The following PCDHA8 variants were observed in gnomAD, a reference collection of about 807,000 sequenced individuals.
The protein encoded by PCDHA8 is protocadherin alpha-8.
PCDHA8 carries 53 observed loss-of-function variants against 61.8 expected under a neutral mutation model. That is an observed-to-expected ratio of 0.86 (90% CI 0.69 to 1.08). The LOEUF is 1.08. PCDHA8 is among the 50% of genes least tolerant of loss of function. The probability of loss-of-function intolerance (pLI) is 0.00; values close to 1 mark genes in which losing one functional copy is unlikely to be tolerated. For synonymous variants in PCDHA8, 618 were observed against 556.6 expected, an observed-to-expected ratio of 1.11 and a Z score of -1.55; for missense variants, 1,293 against 1,245.0, an observed-to-expected ratio of 1.04 and a Z score of -0.58.
intron 3 of PCDHA8, among the ~76,000 whole-genome samples, chr5:140,993,088 CTA>C (rs1420227988): frequency 6.6e-6 from 1 of 152,202 alleles, no homozygotes; most frequent in Non-Finnish European, 1.5e-5. Flanking sequence ...ATCAGCAGGG[CTA>C]TGTTTATTCA....
rs75040653 is a variant in PCDHA8 at position 140,982,339 on chromosome 5, T to G, written c.2454-136T>G. ...TGCAGGGTGACTGCTCAGCAGTAAT[T>G]GCTTCAGTTCAAGCATGAGCAGAAT... On this transcript the variant is annotated intron_variant, in intron 2 of 3. Transcript: ENST00000531613. The G allele has an allele frequency of 3.1e-3, 4,547 of 1,456,350 alleles. 58 individuals carry two copies. The East Asian group carries it at 0.042, about 14-fold the overall frequency. The allele number at this position is 1,456,350 out of a possible 1,614,324, so 90.2% of individuals were successfully genotyped here.
intron 1 of PCDHA8, chr5:140,864,163 C>T (rs2048345363): frequency 6.6e-6 from 1 of 152,054 alleles, no homozygotes; most frequent in South Asian, 2.1e-4. Context: ...TTAAATCTTA[C>T]CGGAAGGATC....
At chr5:140,935,291 C>T (rs1221872941) in intron 1 of PCDHA8, among the ~76,000 whole-genome samples, 4 of 152,100 alleles carry the variant, frequency 2.6e-5, no homozygotes, top group East Asian at 1.9e-4. Context: ...TTCAGCACTC[C>T]GAGGTTTTTA....
Position 140,856,604 on chromosome 5 carries a change from GA to G in PCDHA8, c.2394+12890del, listed in dbSNP as rs782310012. On this transcript the variant is annotated intron_variant, in intron 1 of 3. Transcript: ENST00000531613. ...TGTTCTTGATATTATAAACAAAAAA[GA>G]CAAAGACAAATTCCCAGTGCTTGTT... 3.6e-5 allele frequency: 57 copies of G among 1,597,724 alleles called. 2 individuals are homozygous for G. In the African/African-American group the frequency reaches 6.7e-4, roughly 19 times the overall value.
intron 1 of PCDHA8, chr5:140,854,159 C>CAA (rs59855104): frequency 0.094 from 31,914 of 338,462 alleles, 1,044 homozygotes; most frequent in African/African-American, 0.16. Flanking sequence ...GATTCTGTCT[C>CAA]AAAAAAAAAA....
chr5:140,870,242 T>A (rs1554163936), intron 1 of PCDHA8: 1 of 1,614,142 alleles, frequency 6.2e-7, no homozygotes, highest in East Asian at 2.2e-5. Flanking sequence ...GACTCAGGTG[T>A]CAACGGACAG....
intron 1 of PCDHA8, chr5:140,877,898 A>G: frequency 6.9e-7 from 1 of 1,445,150 alleles, no homozygotes. Context: ...CGTTTAGGTT[A>G]TAACTACATT....
intron 1 of PCDHA8, chr5:140,882,313 G>A (rs2059060330): frequency 1.2e-6 from 2 of 1,614,128 alleles, no homozygotes; most frequent in Non-Finnish European, 1.7e-6. Flanking sequence ...GGCAACTACT[G>A]CTCTGGCTTC....
chr5:140,863,615 T>A (rs1290782399), intron 1 of PCDHA8: 16 of 339,092 alleles, frequency 4.7e-5, no homozygotes, highest in Non-Finnish European at 8.7e-5. Context: ...ATGTCCCTCA[T>A]AGTGACATTG....
chr5:140,938,761 G>A (rs1414324125), intron 1 of PCDHA8, among the ~76,000 whole-genome samples: 5 of 151,992 alleles, frequency 3.3e-5, no homozygotes, highest in Non-Finnish European at 7.4e-5. Flanking sequence ...CATAGTTATT[G>A]GGTACTAGAC....
chr5:140,892,172 G>A (rs2063414943), intron 1 of PCDHA8, among the ~76,000 whole-genome samples: 1 of 152,100 alleles, frequency 6.6e-6, no homozygotes, highest in African/African-American at 2.4e-5. Flanking sequence ...CAGTAACTGG[G>A]ATCCTCATGG....
At chr5:140,869,558 T>A in intron 1 of PCDHA8, 1 of 1,614,200 alleles carries the variant, frequency 6.2e-7, no homozygotes, top group Non-Finnish European at 8.5e-7. Flanking sequence ...GACTCGCGTT[T>A]TCCACTAGAG....
chr5:140,844,007 T>C (rs1779179285), intron 1 of PCDHA8, among the ~76,000 whole-genome samples: 1 of 149,710 alleles, frequency 6.7e-6, no homozygotes, highest in African/African-American at 2.4e-5. Flanking sequence ...AACAATACTC[T>C]AAGGACGTTC....
chr5:140,865,396 A>G (rs1280770279), intron 1 of PCDHA8: 1 of 152,234 alleles, frequency 6.6e-6, no homozygotes, highest in Non-Finnish European at 1.5e-5. Context: ...GTTAATATAA[A>G]TGCTGAAAAG....
chr5:140,917,067 C>T (rs375970452), intron 1 of PCDHA8, among the ~76,000 whole-genome samples: 3 of 152,178 alleles, frequency 2.0e-5, no homozygotes, highest in African/African-American at 4.8e-5. Context: ...ACGACAGCAC[C>T]GAGTTTAATG....
At chr5:140,848,694 G>A (rs2150417748) in intron 1 of PCDHA8, 1 of 1,592,460 alleles carries the variant, frequency 6.3e-7, no homozygotes, top group Admixed American at 1.7e-5. Context: ...GTTCCAGTTG[G>A]ATTCCAAAGG....
In PCDHA8 at chr5:141,010,449, C is replaced by G. The variant is rs764975082; in HGVS notation, c.*512C>G. 1.1e-6 allele frequency: 1 copy of G among 915,348 alleles called. No homozygotes were observed. Among genetic ancestry groups the G allele is most frequent in the East Asian group, 2.7e-5 (1 of 36,418 alleles). 56.7% of individuals were successfully genotyped at this position (915,348 alleles called of 1,614,324 possible). ...CAAGAAAACAAAGACAAATAAACAGCGGAAGTTATCAGTATGGAGGGGAAG... is the reference window on the plus strand; with the variant it reads ...CAAGAAAACAAAGACAAATAAACAGGGGAAGTTATCAGTATGGAGGGGAAG... On this transcript the variant is annotated 3_prime_UTR_variant, in exon 4 of 4. Transcript: ENST00000531613.
chr5:140,870,675 C>G, intron 1 of PCDHA8: 1 of 1,612,672 alleles, frequency 6.2e-7, no homozygotes, highest in Non-Finnish European at 8.5e-7. Context: ...CGTTGGACCA[C>G]GAGGAGCTGG....
intron 1 of PCDHA8, among the ~76,000 whole-genome samples, chr5:140,873,132 A>G (rs2054118651): frequency 6.6e-6 from 1 of 152,212 alleles, no homozygotes; most frequent in Non-Finnish European, 1.5e-5. Flanking sequence ...CAAAGAGTCT[A>G]TGCTGAAGCC....
Sources: gnomAD v4.1 joint callset for allele counts (sites outside exome capture counted in the v4.1 genomes callset) on GRCh38, gnomAD v4.1.1 for gene constraint, MANE v1.5 for transcripts, NCBI Gene and HGNC (gene_info 2026-07-23, HGNC 2026-07-21) for gene names.